The following PALLD variants were observed in gnomAD, a reference collection of about 807,000 sequenced individuals.
PALLD encodes palladin.
Under a neutral mutation model 123.5 loss-of-function variants are expected in PALLD, and 61 were observed. The observed-to-expected ratio is 0.49, with a 90% CI of 0.40 to 0.61. The LOEUF (loss-of-function observed/expected upper bound fraction) is 0.61. Among genes scored for constraint, PALLD ranks in the 20% least tolerant of loss-of-function variants. The pLI, the probability that PALLD is intolerant of heterozygous loss-of-function variation, is 0.00. For missense variants in PALLD, 1,273 were observed against 1,377.0 expected, an observed-to-expected ratio of 0.92 and a Z score of 1.20; for synonymous variants, 465 against 496.4, an observed-to-expected ratio of 0.94 and a Z score of 0.84.
At chr4:168,924,920 C>T in intron 19 of PALLD, 25 bp from the exon 20 acceptor site, 1 of 1,613,812 alleles carries the variant, frequency 6.2e-7, no homozygotes, top group Non-Finnish European at 8.5e-7. Context: ...ATTTAGAACC[C>T]TAATGACTTT....
chr4:168,539,215 A>G (rs1239816139), intron 2 of PALLD, among the ~76,000 whole-genome samples: 3 of 152,150 alleles, frequency 2.0e-5, no homozygotes, highest in Non-Finnish European at 4.4e-5. Context: ...ACTTTTCCAT[A>G]ATTTGTCAGC....
intron 2 of PALLD, among the ~76,000 whole-genome samples, chr4:168,531,119 T>C (rs561587201): frequency 6.6e-6 from 1 of 152,252 alleles, no homozygotes; most frequent in African/African-American, 2.4e-5. Flanking sequence ...GTTATGATAT[T>C]GCTTATAGTA....
At chr4:168,619,336 A>C (rs1774526040) in intron 2 of PALLD, among the ~76,000 whole-genome samples, 1 of 152,212 alleles carries the variant, frequency 6.6e-6, no homozygotes, top group Non-Finnish European at 1.5e-5. Flanking sequence ...GGAATGTGGA[A>C]GGGAGCTGGC....
chr4:168,758,381 T>C (rs1180380811), intron 10 of PALLD, among the ~76,000 whole-genome samples: 3 of 152,218 alleles, frequency 2.0e-5, no homozygotes, highest in African/African-American at 4.8e-5. Context: ...GCCTGTCCTC[T>C]TTCTCCTGTC....
rs1386928522 is a variant in PALLD at position 168,530,564 on chromosome 4, T to G, written c.908+18152T>G. ...TGTCTTCCATATCTTTTCTCACCTA[T>G]TGGACTCCTGTTGCTGCACATGCTG... On this transcript the variant is annotated intron_variant, in intron 2 of 21. Coordinates refer to ENST00000505667, the MANE Select transcript of PALLD (RefSeq NM_001166108.2). The G allele has an allele frequency of 2.6e-5, 4 of 152,234 alleles. No homozygotes were observed. The East Asian group carries it at 7.7e-4, about 29-fold the overall frequency. The allele number at this position is 152,234 out of a possible 1,614,324, so 9.4% of individuals were successfully genotyped here. A position where few individuals can be genotyped will look rare whatever the true frequency, so the allele number is the denominator to read the frequency against.
At chr4:168,678,660 C>T (rs941641284) in intron 3 of PALLD, among the ~76,000 whole-genome samples, 55 of 152,178 alleles carry the variant, frequency 3.6e-4, no homozygotes, top group Non-Finnish European at 7.1e-4. Context: ...TGCAGCCCCC[C>T]GGGAAGTCCC....
chr4:168,890,941 A>T lies in PALLD; in HGVS notation c.1984A>T (p.Ser662Cys), dbSNP rs1279652646. The T allele has an allele frequency of 8.7e-6, 14 of 1,613,956 alleles. No individual in the cohort carries two copies. In the East Asian group the frequency reaches 3.1e-4, roughly 36 times the overall value. ...CTGCAGAGGATTTCCAAAGAAGGCC[A>T]GTAGAACTGCTAGAATAGCCTCCGA... ...KPKLGFPKKA[S>C]RTARIASDEE... is the part of the protein sequence containing the mutation. The change falls in exon 11 of 22, where the codon AGT becomes TGT. Residue 662 changes from serine to cysteine, a missense_variant. Physicochemically the swap from Ser to Cys is moderately radical, Grantham distance 112. Around this residue, in one of 2 missense-constraint regions of PALLD, gnomAD observed 944 missense variants for 954.5 expected, o/e 0.99. Transcript: ENST00000505667.
intron 10 of PALLD, among the ~76,000 whole-genome samples, chr4:168,846,539 G>A (rs187905313): frequency 1.8e-3 from 271 of 152,286 alleles, no homozygotes; most frequent in African/African-American, 6.4e-3. Context: ...AGGAACTCCA[G>A]GAAGCCCATG....
intron 10 of PALLD, among the ~76,000 whole-genome samples, chr4:168,847,909 A>T (rs1349733785): frequency 6.6e-6 from 1 of 152,178 alleles, no homozygotes; most frequent in Non-Finnish European, 1.5e-5. Flanking sequence ...AGTCCCAGGC[A>T]TATTAAGAGA....
chr4:168,748,478 T>C (rs1198275444), intron 10 of PALLD, among the ~76,000 whole-genome samples: 3 of 152,246 alleles, frequency 2.0e-5, no homozygotes, highest in African/African-American at 7.2e-5. Context: ...TTGACTTCTA[T>C]GGTGTATTCG....
chr4:168,919,816 T>G (rs4364224), intron 17 of PALLD, among the ~76,000 whole-genome samples: 1 of 151,978 alleles, frequency 6.6e-6, no homozygotes, highest in Non-Finnish European at 1.5e-5. Context: ...TCTAGTTACA[T>G]TGTGACCTGC....
At chr4:168,795,143 C>T (rs150518996) in intron 10 of PALLD, among the ~76,000 whole-genome samples, 63 of 152,298 alleles carry the variant, frequency 4.1e-4, no homozygotes, top group African/African-American at 1.4e-3. Flanking sequence ...CCTCCTAAAA[C>T]CATCACGCCA....
chr4:168,874,579 G>A (rs1248862651), intron 10 of PALLD, among the ~76,000 whole-genome samples: 1 of 151,968 alleles, frequency 6.6e-6, no homozygotes, highest in Non-Finnish European at 1.5e-5. Context: ...GATCCTAAAG[G>A]CCCTGGATGT....
At chr4:168,866,450 G>A (rs1178845659) in intron 10 of PALLD, among the ~76,000 whole-genome samples, 1 of 152,122 alleles carries the variant, frequency 6.6e-6, no homozygotes, top group Non-Finnish European at 1.5e-5. Context: ...AGTATTTATT[G>A]CCCTTATGTG....
intron 2 of PALLD, among the ~76,000 whole-genome samples, chr4:168,659,175 G>T (rs1487262204): frequency 6.6e-6 from 1 of 152,224 alleles, no homozygotes; most frequent in East Asian, 1.9e-4. Flanking sequence ...AGCTTAGGCA[G>T]CAACAAAACT....
intron 6 of PALLD, among the ~76,000 whole-genome samples, chr4:168,685,810 G>GAAAAAAA (rs70961550): frequency 3.3e-3 from 215 of 65,552 alleles, no homozygotes; most frequent in Middle Eastern, 0.011. Context: ...AAGACAGATA[G>GAAAAAAA]AAAAAAAAAA....
intron 10 of PALLD, among the ~76,000 whole-genome samples, chr4:168,734,904 A>G (rs1787576880): frequency 6.6e-6 from 1 of 151,904 alleles, no homozygotes; most frequent in Non-Finnish European, 1.5e-5. Context: ...AGCATGGGCC[A>G]CAGAGCAAGA....
intron 10 of PALLD, among the ~76,000 whole-genome samples, chr4:168,862,669 G>C (rs1386376891): frequency 1.3e-5 from 2 of 152,180 alleles, no homozygotes; most frequent in Admixed American, 6.5e-5. Flanking sequence ...CCATTTGTCA[G>C]GGTAAATCTG....
chr4:168,511,657 C>T lies in PALLD; in HGVS notation c.153C>T (p.Ala51=). ...KSLDLARRAI[A]DSETEDFDSE... is the part of the protein sequence containing the mutation. ...TTGACCTGGCCCGGAGAGCCATAGC[C>T]GACTCCGAAACAGAAGATTTTGACT... Residue 51 remains alanine (A), a synonymous_variant, in exon 2 of 22, where the codon GCC becomes GCT. Transcript: ENST00000505667. 1 of 1,614,138 alleles carries T rather than the reference C, an allele frequency of 6.2e-7. No homozygotes were observed. The highest frequency in any genetic ancestry group is 1.1e-5 in the South Asian group (1 of 91,084).
Sources: allele counts gnomAD v4.1 joint callset (sites outside exome capture counted in the v4.1 genomes callset), GRCh38; gene constraint gnomAD v4.1.1; regional missense constraint gnomAD v4.1.1; transcripts MANE v1.5; gene names NCBI Gene and HGNC (gene_info 2026-07-23, HGNC 2026-07-21).